Variants in KHDRBS2 observed in about 807,000 individuals in gnomAD.
KHDRBS2 encodes KH domain-containing, RNA-binding, signal transduction-associated protein 2.
KHDRBS2 carries 26 observed loss-of-function variants against 44.3 expected under a neutral mutation model. That is an observed-to-expected ratio of 0.59 (90% CI 0.43 to 0.81). The LOEUF is 0.81. Ranked by LOEUF, KHDRBS2 falls within the 40% of genes least tolerant of loss-of-function variation. The pLI is 0.00. For synonymous variants in KHDRBS2, 194 were observed against 151.1 expected, an observed-to-expected ratio of 1.28 and a Z score of -2.08; for missense variants, 476 against 433.1, an observed-to-expected ratio of 1.10 and a Z score of -0.88.
chr6:61,624,568 T>C, the KHDRBS2 span, among the ~76,000 whole-genome samples: 1 of 152,160 alleles, frequency 6.6e-6, no homozygotes, highest in Non-Finnish European at 1.5e-5. Flanking sequence ...ATCTGTAACA[T>C]AACATCCAAC....
At chr6:61,971,073 AGTT>A (rs1771290434) in intron 4 of KHDRBS2, among the ~76,000 whole-genome samples, 1 of 152,156 alleles carries the variant, frequency 6.6e-6, no homozygotes, top group African/African-American at 2.4e-5. Flanking sequence ...GGAGAATGAC[AGTT>A]GTTAAGAAAA....
chr6:61,717,401 T>C lies in KHDRBS2; in HGVS notation c.893+15281A>G, dbSNP rs574163178. Among the ~76,000 whole-genome samples, 31 of 152,134 alleles carry C rather than the reference T, an allele frequency of 2.0e-4. No individual in the cohort carries two copies. In the South Asian group the frequency reaches 4.6e-3, roughly 22 times the overall value. Reference sequence around the variant, plus strand: ...TGAGAGCTGAATTCTCATCCTGTGATGGTAAATTCAAACAATATCAAACCT... The same window carrying C: ...TGAGAGCTGAATTCTCATCCTGTGACGGTAAATTCAAACAATATCAAACCT... On this transcript the variant is annotated intron_variant, in intron 7 of 8. Transcript: ENST00000281156.
the KHDRBS2 span, among the ~76,000 whole-genome samples, chr6:61,616,671 C>G: frequency 6.6e-6 from 1 of 152,028 alleles, no homozygotes; most frequent in South Asian, 2.1e-4. Context: ...TTGCCTGTTA[C>G]TTTATTTCTT....
At chr6:61,975,741 A>G (rs1430352748) in intron 4 of KHDRBS2, among the ~76,000 whole-genome samples, 3 of 151,988 alleles carry the variant, frequency 2.0e-5, no homozygotes, top group Admixed American at 6.6e-5. Flanking sequence ...GAAAAGGACT[A>G]AGGTATAATG....
intron 6 of KHDRBS2, among the ~76,000 whole-genome samples, chr6:61,779,934 G>GAA (rs143770247): frequency 7.4e-5 from 11 of 148,754 alleles, no homozygotes; most frequent in Admixed American, 2.7e-4. Context: ...TCAAAATACT[G>GAA]AAAAAAAAAA....
chr6:61,617,829 C>T, the KHDRBS2 span, among the ~76,000 whole-genome samples: 18 of 152,152 alleles, frequency 1.2e-4, no homozygotes, highest in South Asian at 1.2e-3. Context: ...TACACATTCC[C>T]TAGAAATAAT....
chr6:61,947,325 T>C (rs1052363943), intron 4 of KHDRBS2, among the ~76,000 whole-genome samples: 7 of 152,146 alleles, frequency 4.6e-5, no homozygotes, highest in Non-Finnish European at 1.0e-4. Context: ...CCAATTTCAC[T>C]GTTAAAGATG....
At chr6:61,657,676 A>G in the KHDRBS2 span, among the ~76,000 whole-genome samples, 1 of 151,932 alleles carries the variant, frequency 6.6e-6, no homozygotes, top group South Asian at 2.1e-4. Context: ...TGGTGACTTC[A>G]GTGCTCCCTG....
intron 6 of KHDRBS2, among the ~76,000 whole-genome samples, chr6:61,741,854 A>G (rs1160445900): frequency 6.6e-6 from 1 of 151,936 alleles, no homozygotes; most frequent in Non-Finnish European, 1.5e-5. Flanking sequence ...TCTGTTATAT[A>G]CCCACATTTT....
the KHDRBS2 span, among the ~76,000 whole-genome samples, chr6:61,546,268 A>C: frequency 6.6e-6 from 1 of 151,908 alleles, no homozygotes; most frequent in Non-Finnish European, 1.5e-5. Flanking sequence ...TAAGTATATT[A>C]TAAAATATTT....
intron 1 of KHDRBS2, among the ~76,000 whole-genome samples, chr6:62,284,418 G>A (rs535460484): frequency 2.0e-5 from 3 of 152,010 alleles, no homozygotes; most frequent in Non-Finnish European, 4.4e-5. Flanking sequence ...GGTAAGACTT[G>A]CCTTTTAAAT....
At chr6:62,005,929 A>G (rs1779131047) in intron 3 of KHDRBS2, among the ~76,000 whole-genome samples, 1 of 152,034 alleles carries the variant, frequency 6.6e-6, no homozygotes, top group Non-Finnish European at 1.5e-5. Flanking sequence ...ACGAAATTAT[A>G]CCAAATGCAA....
At chr6:61,738,922 A>C (rs1775771806) in intron 6 of KHDRBS2, among the ~76,000 whole-genome samples, 1 of 151,916 alleles carries the variant, frequency 6.6e-6, no homozygotes, top group Admixed American at 6.6e-5. Context: ...TCCAGGCATT[A>C]AACATAAGAG....
At chr6:61,608,403 TTTTG>T in the KHDRBS2 span, among the ~76,000 whole-genome samples, 1 of 152,018 alleles carries the variant, frequency 6.6e-6, no homozygotes, top group African/African-American at 2.4e-5. Flanking sequence ...TGTATGAAAA[TTTTG>T]TTTAAGATGG....
At chr6:61,608,173 C>G in the KHDRBS2 span, among the ~76,000 whole-genome samples, 2 of 152,038 alleles carry the variant, frequency 1.3e-5, no homozygotes, top group Admixed American at 1.3e-4. Flanking sequence ...GAAGAGAATA[C>G]TGAATTATGA....
intron 6 of KHDRBS2, among the ~76,000 whole-genome samples, chr6:61,831,357 T>G (rs1791773649): frequency 6.6e-6 from 1 of 152,034 alleles, no homozygotes; most frequent in African/African-American, 2.4e-5. Context: ...AAAATGTGTG[T>G]GTGGTGTGTG....
chr6:61,810,586 G>T (rs1787960424), intron 6 of KHDRBS2, among the ~76,000 whole-genome samples: 1 of 151,576 alleles, frequency 6.6e-6, no homozygotes, highest in African/African-American at 2.4e-5. Context: ...ATGTATATTA[G>T]AATGAAAAAA....
At chr6:61,735,492 A>G (rs1775191975) in intron 6 of KHDRBS2, among the ~76,000 whole-genome samples, 1 of 152,114 alleles carries the variant, frequency 6.6e-6, no homozygotes, top group South Asian at 2.1e-4. Context: ...TTGCATAGCT[A>G]TTTTTCAAAA....
At chr6:61,728,486 T>C (rs766836026) in intron 7 of KHDRBS2, among the ~76,000 whole-genome samples, 2 of 152,154 alleles carry the variant, frequency 1.3e-5, no homozygotes, top group Non-Finnish European at 2.9e-5. Context: ...TACAAAGATA[T>C]TAATCACATA....
Sources: allele counts gnomAD v4.1 joint callset (sites outside exome capture counted in the v4.1 genomes callset), GRCh38; gene constraint gnomAD v4.1.1; transcripts MANE v1.5; gene names NCBI Gene and HGNC (gene_info 2026-07-23, HGNC 2026-07-21).